The following PLXNA4 variants were observed in gnomAD, a reference collection of about 807,000 sequenced individuals.
The protein encoded by PLXNA4 is plexin A4, also known as plexin-A4.
In PLXNA4, 44 loss-of-function variants were observed where a neutral mutation model predicts 191.8. That is an observed-to-expected ratio of 0.23 (90% confidence interval 0.18 to 0.29). The LOEUF is 0.29. Among genes scored for constraint, PLXNA4 ranks in the 10% least tolerant of loss-of-function variants. The pLI is 1.00. For synonymous variants in PLXNA4, 1,082 were observed against 1,009.5 expected (o/e 1.07, Z -1.36); for missense variants, 1,800 against 2,488.8 (o/e 0.72, Z 5.89).
At chr7:132,432,794 T>G (rs1795315850) in intron 3 of PLXNA4, among the ~76,000 whole-genome samples, 1 of 152,212 alleles carries the variant, frequency 6.6e-6, no homozygotes, top group African/African-American at 2.4e-5. Flanking sequence ...TCATTTATCG[T>G]ATAGACAAAG....
At chr7:132,225,091 TC>T (rs1798271818) in intron 8 of PLXNA4, among the ~76,000 whole-genome samples, 1 of 152,184 alleles carries the variant, frequency 6.6e-6, no homozygotes, top group African/African-American at 2.4e-5. Flanking sequence ...CCTGCTTCCA[TC>T]TATTCTGTAT....
At chr7:132,276,427 C>T (rs181495220) in intron 4 of PLXNA4, among the ~76,000 whole-genome samples, 44 of 152,286 alleles carry the variant, frequency 2.9e-4, no homozygotes, top group East Asian at 1.5e-3. Context: ...TACTCCCACC[C>T]TTTTCTGCAA....
At chr7:132,438,643 G>A (rs1464533692) in intron 3 of PLXNA4, among the ~76,000 whole-genome samples, 1 of 152,152 alleles carries the variant, frequency 6.6e-6, no homozygotes, top group Non-Finnish European at 1.5e-5. Context: ...TAGACTATGG[G>A]AGTATTCTAT....
At chr7:132,305,663 G>T (rs566344873) in intron 3 of PLXNA4, among the ~76,000 whole-genome samples, 1 of 152,310 alleles carries the variant, frequency 6.6e-6, no homozygotes, top group East Asian at 1.9e-4. Flanking sequence ...TTGTTTATTG[G>T]AACATTATCT....
chr7:132,172,058 C>T (rs1281664221), intron 21 of PLXNA4, among the ~76,000 whole-genome samples: 3 of 152,074 alleles, frequency 2.0e-5, no homozygotes, highest in Admixed American at 6.6e-5. Context: ...TTTCTCCCCA[C>T]TTTATGAAGG....
chr7:132,600,735 C>G (rs1802801635), intron 2 of PLXNA4, among the ~76,000 whole-genome samples: 1 of 152,166 alleles, frequency 6.6e-6, no homozygotes, highest in Admixed American at 6.6e-5. Flanking sequence ...TCCATTACAT[C>G]TAGCCTATAA....
chr7:132,470,392 G>T (rs766811187), intron 3 of PLXNA4, among the ~76,000 whole-genome samples: 3 of 152,080 alleles, frequency 2.0e-5, no homozygotes, highest in Non-Finnish European at 4.4e-5. Context: ...TTTGGATGTG[G>T]GCCTCTCAGT....
At chr7:132,361,838 T>C (rs1263479010) in intron 3 of PLXNA4, among the ~76,000 whole-genome samples, 1 of 152,134 alleles carries the variant, frequency 6.6e-6, no homozygotes, top group East Asian at 1.9e-4. Flanking sequence ...TGTGTGTGTG[T>C]GCACGCGTGC....
intron 4 of PLXNA4, among the ~76,000 whole-genome samples, chr7:132,292,261 G>A (rs1800921657): frequency 1.3e-5 from 2 of 152,168 alleles, no homozygotes; most frequent in Admixed American, 1.3e-4. Context: ...CCCCAGTGTG[G>A]TATCAGGTAA....
intron 4 of PLXNA4, among the ~76,000 whole-genome samples, chr7:132,290,802 T>A (rs1800857548): frequency 6.6e-6 from 1 of 152,066 alleles, no homozygotes; most frequent in Non-Finnish European, 1.5e-5. Flanking sequence ...TGCACACTCG[T>A]ACACTCCAAG....
chr7:132,568,533 T>TATGTATCTG (rs1801837536), intron 1 of PLXNA4, among the ~76,000 whole-genome samples: 1 of 152,192 alleles, frequency 6.6e-6, no homozygotes, highest in African/African-American at 2.4e-5. Context: ...ACTCCCAATT[T>TATGTATCTG]ATGTATCTGC....
intron 1 of PLXNA4, among the ~76,000 whole-genome samples, chr7:132,562,277 T>C (rs1420305433): frequency 2.4e-4 from 21 of 87,740 alleles, no homozygotes; most frequent in East Asian, 4.1e-4. Flanking sequence ...TCTGCCTCCT[T>C]CTCCTCCTCC....
intron 1 of PLXNA4, among the ~76,000 whole-genome samples, chr7:132,563,141 C>G (rs1585348998): frequency 2.3e-5 from 2 of 87,558 alleles, no homozygotes; most frequent in African/African-American, 8.4e-5. Flanking sequence ...TCCTCCTTCT[C>G]CTCTTCCTCC....
At chr7:132,305,025 G>A (rs1040747207) in intron 3 of PLXNA4, among the ~76,000 whole-genome samples, 12 of 152,122 alleles carry the variant, frequency 7.9e-5, no homozygotes, top group South Asian at 4.1e-4. Context: ...AACCTCCTGC[G>A]CAGCAGGACC....
At chr7:132,211,251 A>C (rs1353631393) in intron 9 of PLXNA4, 108 bp from the exon 10 acceptor site, 36 of 1,212,136 alleles carry the variant, frequency 3.0e-5, no homozygotes, top group Non-Finnish European at 3.7e-5. Flanking sequence ...CCATGGACAC[A>C]CCCACAGGCG....
chr7:132,429,639 G>C (rs893990224), intron 3 of PLXNA4, among the ~76,000 whole-genome samples: 3 of 151,722 alleles, frequency 2.0e-5, no homozygotes, highest in Non-Finnish European at 2.9e-5. Context: ...CTTCACTTGT[G>C]AGCTATAAAA....
intron 1 of PLXNA4, among the ~76,000 whole-genome samples, chr7:132,560,585 C>T (rs1800995307): frequency 1.3e-5 from 2 of 152,090 alleles, no homozygotes; most frequent in Admixed American, 1.3e-4. Context: ...CTGCCGGGGA[C>T]ACAAGAGCCT....
chr7:132,267,481 G>A (rs951644553), intron 4 of PLXNA4, among the ~76,000 whole-genome samples: 3 of 152,174 alleles, frequency 2.0e-5, no homozygotes, highest in African/African-American at 4.8e-5. Context: ...AGCTAATCAT[G>A]AGTCTAGACA....
Position 132,530,692 on chromosome 7 carries a change from A to G in PLXNA4, c.-86-21913T>C, listed in dbSNP as rs77022727. Among the ~76,000 whole-genome samples, 1,008 of 152,360 alleles carry G rather than the reference A, an allele frequency of 6.6e-3. 13 individuals carry two copies. Among genetic ancestry groups the G allele is most frequent in the African/African-American group, 0.023 (958 of 41,582 alleles). On this transcript the variant is annotated intron_variant, in intron 1 of 31. Coordinates refer to ENST00000321063, the MANE Select transcript of PLXNA4 (RefSeq NM_020911.2). ...GTGGAAAACTATTTGATGGTTCCTC[A>G]AAAAGCTAAACATAGAATTACCACA...
Sources: gnomAD v4.1 joint callset for allele counts (sites outside exome capture counted in the v4.1 genomes callset) on GRCh38, gnomAD v4.1.1 for gene constraint, MANE v1.5 for transcripts, NCBI Gene and HGNC (gene_info 2026-07-23, HGNC 2026-07-21) for gene names.